Variants in KIAA1217 observed in about 807,000 individuals in gnomAD.
The protein encoded by KIAA1217 is KIAA1217, also known as sickle tail protein homolog.
Under a neutral mutation model 163.9 loss-of-function variants are expected in KIAA1217, and 88 were observed. That is an observed-to-expected ratio of 0.54 (90% CI 0.45 to 0.64). The LOEUF is 0.64. KIAA1217 is among the 30% of genes least tolerant of loss of function. The pLI, the probability that KIAA1217 is intolerant of heterozygous loss-of-function variation, is 0.00. For synonymous variants in KIAA1217, 903 were observed against 923.1 expected, an observed-to-expected ratio of 0.98 and a Z score of 0.39; for missense variants, 2,372 against 2,475.0, an observed-to-expected ratio of 0.96 and a Z score of 0.88.
chr10:24,475,198 G>A (rs1208159671), intron 6 of KIAA1217, among the ~76,000 whole-genome samples: 1 of 152,142 alleles, frequency 6.6e-6, no homozygotes. Context: ...CAGCCTGGGG[G>A]ACAAGAGCAA....
chr10:24,347,823 A>G (rs562068555), intron 2 of KIAA1217, among the ~76,000 whole-genome samples: 139 of 152,324 alleles, frequency 9.1e-4, no homozygotes, highest in Non-Finnish European at 1.7e-3. Context: ...CATATATTTA[A>G]GGTGTATGAC....
chr10:24,063,876 C>G (rs1165338351), intron 2 of KIAA1217, among the ~76,000 whole-genome samples: 3 of 152,130 alleles, frequency 2.0e-5, no homozygotes, highest in Non-Finnish European at 4.4e-5. Context: ...AAGTTGGATT[C>G]CTAGGTATTC....
At chr10:24,105,856 C>A (rs993888917) in intron 2 of KIAA1217, among the ~76,000 whole-genome samples, 6 of 152,216 alleles carry the variant, frequency 3.9e-5, no homozygotes, top group African/African-American at 1.2e-4. Flanking sequence ...CGTGTGGAAA[C>A]TTCCCCTGAG....
chr10:24,008,402 G>A (rs1847100444), intron 2 of KIAA1217, among the ~76,000 whole-genome samples: 1 of 152,084 alleles, frequency 6.6e-6, no homozygotes, highest in Non-Finnish European at 1.5e-5. Context: ...CAGGAAGTTC[G>A]CTTAATGATG....
chr10:24,196,818 C>T (rs1442206026), intron 2 of KIAA1217, among the ~76,000 whole-genome samples: 3 of 152,168 alleles, frequency 2.0e-5, no homozygotes, highest in Admixed American at 6.5e-5. Flanking sequence ...GCAGATGCTG[C>T]GCTGCTCCCC....
chr10:23,830,595 AAGAG>A (rs35538168), intron 1 of KIAA1217, among the ~76,000 whole-genome samples: 2,437 of 152,088 alleles, frequency 0.016, 55 homozygotes, highest in South Asian at 0.052. Context: ...GCATGAAAGA[AAGAG>A]AGAGAGAAAG....
At chr10:23,712,760 A>C (rs929279576) in intron 1 of KIAA1217, among the ~76,000 whole-genome samples, 1 of 152,182 alleles carries the variant, frequency 6.6e-6, no homozygotes, top group Admixed American at 6.5e-5. Flanking sequence ...AAAGTTGTAC[A>C]TGTCACTGTT....
intron 5 of KIAA1217, 73 bp from the exon 6 acceptor site, chr10:24,473,155 C>T (rs763022311): frequency 1.8e-4 from 184 of 1,041,018 alleles, no homozygotes; most frequent in Middle Eastern, 4.2e-4. Context: ...GGAAGTCACA[C>T]GGTTACACAC....
intron 1 of KIAA1217, among the ~76,000 whole-genome samples, chr10:23,982,138 A>C (rs1589181018): frequency 6.6e-6 from 1 of 152,014 alleles, no homozygotes; most frequent in African/African-American, 2.4e-5. Flanking sequence ...CCCTAGTGAC[A>C]TAGTGCAGTA....
chr10:23,975,333 C>T (rs889771489), intron 1 of KIAA1217, among the ~76,000 whole-genome samples: 5 of 151,986 alleles, frequency 3.3e-5, no homozygotes, highest in Middle Eastern at 3.2e-3. Flanking sequence ...GCTTGGCTGG[C>T]GGGCAGGCAG....
chr10:23,960,540 A>C (rs1844779994), intron 1 of KIAA1217, among the ~76,000 whole-genome samples: 1 of 151,910 alleles, frequency 6.6e-6, no homozygotes, highest in Admixed American at 6.5e-5. Context: ...TACAGGCGTG[A>C]GCCACCACGC....
chr10:24,231,567 C>T (rs1306535313), intron 2 of KIAA1217, among the ~76,000 whole-genome samples: 1 of 152,050 alleles, frequency 6.6e-6, no homozygotes, highest in Non-Finnish European at 1.5e-5. Context: ...ATCTCTTGTC[C>T]TCAGAGAAAT....
At chr10:24,423,774 G>T (rs1445197223) in intron 3 of KIAA1217, among the ~76,000 whole-genome samples, 1 of 152,144 alleles carries the variant, frequency 6.6e-6, no homozygotes, top group Non-Finnish European at 1.5e-5. Flanking sequence ...AACCTCAAGT[G>T]ATCCACCCAC....
At chr10:24,307,721 A>C (rs2042169637) in intron 2 of KIAA1217, among the ~76,000 whole-genome samples, 1 of 152,080 alleles carries the variant, frequency 6.6e-6, no homozygotes, top group African/African-American at 2.4e-5. Flanking sequence ...GGTCGGGGCT[A>C]CATTGAGCCG....
intron 1 of KIAA1217, among the ~76,000 whole-genome samples, chr10:23,912,504 G>T (rs1842478230): frequency 6.6e-6 from 1 of 151,696 alleles, no homozygotes; most frequent in Non-Finnish European, 1.5e-5. Flanking sequence ...TCCCCTTTTT[G>T]AGTCCCCAGT....
intron 1 of KIAA1217, among the ~76,000 whole-genome samples, chr10:23,794,469 C>T (rs1836104355): frequency 1.3e-5 from 2 of 152,172 alleles, no homozygotes; most frequent in Admixed American, 1.3e-4. Context: ...TTCCCTCAGG[C>T]TTTTGGCTTT....
At chr10:24,100,358 C>T (rs2062363865) in intron 2 of KIAA1217, among the ~76,000 whole-genome samples, 1 of 152,116 alleles carries the variant, frequency 6.6e-6, no homozygotes, top group African/African-American at 2.4e-5. Context: ...CTCTGTGACT[C>T]GGTATGAAGC....
chr10:24,387,385 G>A (rs1314172489), intron 3 of KIAA1217, among the ~76,000 whole-genome samples: 1 of 152,114 alleles, frequency 6.6e-6, no homozygotes, highest in Non-Finnish European at 1.5e-5. Context: ...AATAAACTAG[G>A]TATTGATGGG....
intron 1 of KIAA1217, among the ~76,000 whole-genome samples, chr10:23,790,010 CACATATACACATAT>C (rs1835682735): frequency 9.2e-6 from 1 of 108,166 alleles, no homozygotes; most frequent in Admixed American, 9.9e-5. Flanking sequence ...TATGCACATA[CACATATACACATAT>C]GCATATACAC....
Sources: gnomAD v4.1 joint callset for allele counts (sites outside exome capture counted in the v4.1 genomes callset) on GRCh38, gnomAD v4.1.1 for gene constraint, MANE v1.5 for transcripts, NCBI Gene and HGNC (gene_info 2026-07-23, HGNC 2026-07-21) for gene names.